Variants in ABTB2 observed in about 807,000 individuals in gnomAD.
ABTB2 encodes the protein ankyrin repeat and BTB/POZ domain-containing protein 2.
ABTB2 carries 56 observed loss-of-function variants against 104.1 expected under a neutral mutation model. The observed-to-expected ratio is 0.54, with a 90% CI of 0.43 to 0.67. The LOEUF is 0.67. Ranked by LOEUF, ABTB2 falls within the 30% of genes least tolerant of loss-of-function variation. The pLI is 0.00. For missense variants in ABTB2, 1,279 were observed against 1,407.7 expected, an observed-to-expected ratio of 0.91 and a Z score of 1.46; for synonymous variants, 606 against 608.2, an observed-to-expected ratio of 1.00 and a Z score of 0.05.
chr11:34,344,706 C>G (rs760142185), intron 1 of ABTB2, among the ~76,000 whole-genome samples: 7 of 152,192 alleles, frequency 4.6e-5, no homozygotes, highest in Non-Finnish European at 1.0e-4. Context: ...CCGTGTTGCC[C>G]GGTCTGATCT....
intron 1 of ABTB2, among the ~76,000 whole-genome samples, chr11:34,352,995 A>C (rs1855417979): frequency 6.6e-6 from 1 of 152,206 alleles, no homozygotes; most frequent in Non-Finnish European, 1.5e-5. Flanking sequence ...CCAGGAGTTC[A>C]AGGTTGCAGT....
chr11:34,284,231 G>A (rs757097170), intron 1 of ABTB2, among the ~76,000 whole-genome samples: 41 of 152,362 alleles, frequency 2.7e-4, no homozygotes, highest in African/African-American at 8.7e-4. Context: ...AATGGGCCAC[G>A]TCACATCATC....
rs567582469 is a variant in ABTB2, at chr11:34,326,119, C to T, written c.883+30582G>A. On this transcript the variant is annotated intron_variant, in intron 1 of 16. Transcript: ENST00000435224. ...TCTTCTCTCTCTGTACTCTAATAGG[C>T]TAGCAGTCTCCTACAATGTTAGATT... Among the ~76,000 whole-genome samples the T allele has an allele frequency of 4.6e-4, 70 of 152,136 alleles. 1 individual carries two copies. Among genetic ancestry groups the T allele is most frequent in the African/African-American group, 1.6e-3 (65 of 41,520 alleles).
chr11:34,194,698 C>T (rs556869766), intron 3 of ABTB2, among the ~76,000 whole-genome samples: 2 of 152,088 alleles, frequency 1.3e-5, no homozygotes, highest in South Asian at 4.1e-4. Flanking sequence ...GCCAGGCCAC[C>T]AGGGCGCCGT....
chr11:34,275,391 G>A (rs570448338), intron 1 of ABTB2, among the ~76,000 whole-genome samples: 6 of 152,256 alleles, frequency 3.9e-5, no homozygotes, highest in South Asian at 4.1e-4. Context: ...TGCTGTAGAA[G>A]CCACACACAC....
intron 1 of ABTB2, among the ~76,000 whole-genome samples, chr11:34,278,829 G>A (rs1156979855): frequency 2.6e-5 from 4 of 152,158 alleles, no homozygotes; most frequent in Non-Finnish European, 4.4e-5. Context: ...TTTCCAAGTC[G>A]GAGAGACTCA....
At chr11:34,221,659 C>T (rs1346980839) in intron 1 of ABTB2, among the ~76,000 whole-genome samples, 4 of 152,188 alleles carry the variant, frequency 2.6e-5, no homozygotes, top group Non-Finnish European at 4.4e-5. Context: ...GGGGGCTCAA[C>T]GCTCCCCTCA....
intron 1 of ABTB2, among the ~76,000 whole-genome samples, chr11:34,268,878 T>C (rs912536727): frequency 4.6e-5 from 7 of 152,212 alleles, no homozygotes; most frequent in African/African-American, 1.7e-4. Flanking sequence ...ACACCAGGCA[T>C]GTTGGATGGG....
At chr11:34,256,797 G>T (rs936501733) in intron 1 of ABTB2, among the ~76,000 whole-genome samples, 3 of 152,196 alleles carry the variant, frequency 2.0e-5, no homozygotes, top group Non-Finnish European at 4.4e-5. Context: ...CTCCGGAGGG[G>T]ACGGACGGAG....
intron 3 of ABTB2, among the ~76,000 whole-genome samples, chr11:34,176,908 G>C (rs906428336): frequency 6.6e-6 from 1 of 152,154 alleles, no homozygotes; most frequent in African/African-American, 2.4e-5. Flanking sequence ...GTTTATAAGA[G>C]TTCCCTTAAA....
chr11:34,184,997 G>A (rs938860169), intron 3 of ABTB2, among the ~76,000 whole-genome samples: 7 of 152,224 alleles, frequency 4.6e-5, no homozygotes, highest in African/African-American at 7.2e-5. Context: ...GAAGACAGAC[G>A]TGGGAGGACC....
chr11:34,199,959 T>C (rs1431207782), intron 2 of ABTB2, among the ~76,000 whole-genome samples: 1 of 152,190 alleles, frequency 6.6e-6, no homozygotes, highest in Non-Finnish European at 1.5e-5. Flanking sequence ...CGTCAAACTC[T>C]GCCCCACATT....
intron 1 of ABTB2, among the ~76,000 whole-genome samples, chr11:34,271,775 A>G (rs1565155833): frequency 2.1e-5 from 3 of 144,424 alleles, no homozygotes; most frequent in African/African-American, 7.7e-5. Context: ...ACATACATAC[A>G]TACATACAAC....
intron 3 of ABTB2, among the ~76,000 whole-genome samples, chr11:34,179,016 C>T (rs903451206): frequency 1.4e-5 from 2 of 141,862 alleles, no homozygotes; most frequent in Admixed American, 1.5e-4. Flanking sequence ...GTGGAGGTTG[C>T]AGTGAGCCAA....
intron 1 of ABTB2, among the ~76,000 whole-genome samples, chr11:34,286,439 C>G (rs1024498894): frequency 9.9e-5 from 15 of 151,972 alleles, no homozygotes; most frequent in African/African-American, 3.6e-4. Flanking sequence ...ATTACAGGCA[C>G]CCGCCACCAC....
intron 9 of ABTB2, 148 bp from the exon 10 acceptor site, chr11:34,162,953 C>T (rs1852744663): frequency 1.4e-6 from 1 of 708,304 alleles, no homozygotes; most frequent in Non-Finnish European, 2.3e-6. Context: ...TCCAGGCAGG[C>T]CAGGGGTCCC....
At chr11:34,187,790 C>G (rs1853121054) in intron 3 of ABTB2, among the ~76,000 whole-genome samples, 1 of 152,160 alleles carries the variant, frequency 6.6e-6, no homozygotes, top group South Asian at 2.1e-4. Context: ...ATCTTTCTCA[C>G]TCACCTGGCT....
intron 1 of ABTB2, among the ~76,000 whole-genome samples, chr11:34,219,163 G>A (rs1476068666): frequency 6.6e-6 from 1 of 152,210 alleles, no homozygotes; most frequent in African/African-American, 2.4e-5. Flanking sequence ...TAGAGGAGGA[G>A]TCTGTAGTAG....
intron 1 of ABTB2, among the ~76,000 whole-genome samples, chr11:34,272,422 G>C (rs902245877): frequency 2.4e-4 from 36 of 151,626 alleles, no homozygotes; most frequent in Admixed American, 1.1e-3. Flanking sequence ...CATACACATT[G>C]GCAGGCCAAG....
Sources: gnomAD v4.1 joint callset for allele counts (sites outside exome capture counted in the v4.1 genomes callset) on GRCh38, gnomAD v4.1.1 for gene constraint, MANE v1.5 for transcripts, NCBI Gene and HGNC (gene_info 2026-07-23, HGNC 2026-07-21) for gene names.